The following KCNMA1 variants were observed in gnomAD, a reference collection of about 807,000 sequenced individuals.
The protein encoded by KCNMA1 is Calcium-activated potassium channel subunit alpha-1.
KCNMA1 carries 29 observed loss-of-function variants against 140.0 expected under a neutral mutation model. That is an observed-to-expected ratio of 0.21 (90% confidence interval 0.15 to 0.28). KCNMA1 has a LOEUF of 0.28. Ranked by LOEUF, KCNMA1 falls within the 10% of genes least tolerant of loss-of-function variation. KCNMA1 has a pLI of 1.00. For synonymous variants in KCNMA1, 612 were observed against 611.9 expected, an observed-to-expected ratio of 1.00 and a Z score of 0.00; for missense variants, 880 against 1,602.2, an observed-to-expected ratio of 0.55 and a Z score of 7.70.
At chr10:77,351,203 C>A (rs146202682) in intron 2 of KCNMA1, among the ~76,000 whole-genome samples, 1 of 152,226 alleles carries the variant, frequency 6.6e-6, no homozygotes, top group East Asian at 1.9e-4. Context: ...TGAAGACATG[C>A]TCATTTTAAT....
chr10:77,331,601 T>C (rs1001762711), intron 2 of KCNMA1, among the ~76,000 whole-genome samples: 4 of 151,880 alleles, frequency 2.6e-5, no homozygotes, highest in African/African-American at 9.7e-5. Flanking sequence ...GAAGATCACT[T>C]GAGCCCAGGA....
intron 2 of KCNMA1, among the ~76,000 whole-genome samples, chr10:77,280,932 T>C (rs1343335971): frequency 6.6e-6 from 1 of 152,220 alleles, no homozygotes; most frequent in Non-Finnish European, 1.5e-5. Context: ...CATGATTTTC[T>C]TCTTTTGTGA....
chr10:77,115,677 T>G (rs2097442736), intron 6 of KCNMA1, among the ~76,000 whole-genome samples: 1 of 152,204 alleles, frequency 6.6e-6, no homozygotes, highest in Non-Finnish European at 1.5e-5. Flanking sequence ...AATATGGTGA[T>G]TACTAAACTC....
intron 24 of KCNMA1, chr10:76,914,234 T>C (rs1564872347): frequency 6.6e-6 from 6 of 903,358 alleles, no homozygotes; most frequent in Non-Finnish European, 7.0e-6. Context: ...CATTCTCAAG[T>C]AAAGGGACCC....
chr10:77,012,801 C>T (rs2091154188), intron 17 of KCNMA1, among the ~76,000 whole-genome samples: 1 of 152,160 alleles, frequency 6.6e-6, no homozygotes, highest in Admixed American at 6.5e-5. Context: ...AGATGAAGCA[C>T]TCAAAAAGAA....
At chr10:77,081,740 C>G (rs1249835190) in intron 12 of KCNMA1, among the ~76,000 whole-genome samples, 1 of 152,158 alleles carries the variant, frequency 6.6e-6, no homozygotes, top group Non-Finnish European at 1.5e-5. Context: ...GACTTTGAGC[C>G]TCTGTCAGCC....
chr10:77,199,068 A>G (rs2041644985), intron 3 of KCNMA1, among the ~76,000 whole-genome samples: 1 of 152,176 alleles, frequency 6.6e-6, no homozygotes, highest in Non-Finnish European at 1.5e-5. Flanking sequence ...AGGTAGAAGC[A>G]AAACACAGGA....
chr10:77,587,844 G>A (rs929457978), intron 1 of KCNMA1: 1 of 985,220 alleles, frequency 1.0e-6, no homozygotes, highest in Non-Finnish European at 1.2e-6. Flanking sequence ...TCATCTCACG[G>A]CCCCAGTCTT....
intron 17 of KCNMA1, 21 bp downstream of exon 17, chr10:77,018,967 TCTACAGCCGGGCCAGAAAGAAAGCC>T: frequency 1.8e-6 from 2 of 1,085,982 alleles, no homozygotes; most frequent in Non-Finnish European, 2.9e-6. Flanking sequence ...GGTCAAGGTG[TCTACAGCCGGGCCAGAAAGAAAGCC>T]AGTTGAAAAT....
At chr10:77,338,854 C>T (rs17486941) in intron 2 of KCNMA1, among the ~76,000 whole-genome samples, 2 of 152,180 alleles carry the variant, frequency 1.3e-5, no homozygotes, top group East Asian at 3.9e-4. Context: ...AAATACCTAA[C>T]AGGTGCTCAA....
At chr10:77,523,208 C>A (rs547725979) in intron 1 of KCNMA1, among the ~76,000 whole-genome samples, 2 of 149,726 alleles carry the variant, frequency 1.3e-5, no homozygotes, top group African/African-American at 2.5e-5. Flanking sequence ...GACGTGCCCC[C>A]CCCCCTTGCA....
chr10:77,151,508 T>C (rs2098418599), intron 5 of KCNMA1, among the ~76,000 whole-genome samples: 1 of 152,092 alleles, frequency 6.6e-6, no homozygotes, highest in South Asian at 2.1e-4. Flanking sequence ...ATTACAGGCA[T>C]GAGCCACCAC....
intron 15 of KCNMA1, among the ~76,000 whole-genome samples, chr10:77,030,633 G>A (rs772989480): frequency 3.9e-5 from 6 of 152,148 alleles, no homozygotes; most frequent in African/African-American, 7.2e-5. Flanking sequence ...GTAACAGTTC[G>A]TAGTAATGGT....
chr10:77,325,075 C>T (rs959135930), intron 2 of KCNMA1, among the ~76,000 whole-genome samples: 6 of 151,342 alleles, frequency 4.0e-5, no homozygotes, highest in Non-Finnish European at 7.4e-5. Context: ...CCTTCATTAC[C>T]ATGCTGATTT....
intron 1 of KCNMA1, among the ~76,000 whole-genome samples, chr10:77,469,342 G>C (rs1387291226): frequency 1.3e-5 from 2 of 152,192 alleles, no homozygotes; most frequent in African/African-American, 2.4e-5. Context: ...CCACCTTCAA[G>C]ATGAGGTGAA....
chr10:76,965,020 A>G (rs542559556), intron 20 of KCNMA1, among the ~76,000 whole-genome samples: 1 of 152,250 alleles, frequency 6.6e-6, no homozygotes, highest in South Asian at 2.1e-4. Flanking sequence ...GTAAATCCTA[A>G]CTTTCACTGA....
At chr10:77,223,856 G>A (rs553139395) in intron 3 of KCNMA1, among the ~76,000 whole-genome samples, 132 of 152,288 alleles carry the variant, frequency 8.7e-4, no homozygotes, top group Non-Finnish European at 1.3e-3. Context: ...ACAGCCCAAT[G>A]AGTCAGAGAT....
At chr10:77,400,250 G>A (rs896977636) in intron 2 of KCNMA1, among the ~76,000 whole-genome samples, 1 of 152,202 alleles carries the variant, frequency 6.6e-6, no homozygotes, top group Non-Finnish European at 1.5e-5. Context: ...CTATTCTCAG[G>A]ATACCGCCTG....
intron 1 of KCNMA1, among the ~76,000 whole-genome samples, chr10:77,465,902 G>C (rs547313911): frequency 6.6e-6 from 1 of 152,326 alleles, no homozygotes; most frequent in Non-Finnish European, 1.5e-5. Context: ...TCCACAACCT[G>C]CCTCAGCCTA....
Sources: allele counts gnomAD v4.1 joint callset (sites outside exome capture counted in the v4.1 genomes callset), GRCh38; gene constraint gnomAD v4.1.1; transcripts MANE v1.5; gene names NCBI Gene and HGNC (gene_info 2026-07-23, HGNC 2026-07-21).